The following DDX60L variants were observed in gnomAD, a reference collection of about 807,000 sequenced individuals.
The protein encoded by DDX60L is DExD/H-box 60 like.
In DDX60L, 191 loss-of-function variants were observed where a neutral mutation model predicts 211.6. The ratio of observed to expected loss-of-function variants is 0.90; its 90% CI spans 0.80 to 1.02. The LOEUF (loss-of-function observed/expected upper bound fraction) is 1.02, where lower values mean the gene tolerates loss of function less well. Ranked by LOEUF, DDX60L falls within the 50% of genes least tolerant of loss-of-function variation. The pLI, the probability that DDX60L is intolerant of heterozygous loss-of-function variation, is 0.00. For missense variants in DDX60L, 2,007 were observed against 1,984.1 expected, an observed-to-expected ratio of 1.01 and a Z score of -0.22; for synonymous variants, 706 against 694.1, an observed-to-expected ratio of 1.02 and a Z score of -0.27.
chr4:168,427,047 C>A, intron 14 of DDX60L, 23 bp downstream of exon 14: 2 of 1,578,098 alleles, frequency 1.3e-6, no homozygotes, highest in Non-Finnish European at 1.7e-6. Flanking sequence ...TACTCTTTAT[C>A]CATAGAGTAT....
At chr4:168,469,404 C>A (rs1198750508) in intron 4 of DDX60L, 1 of 152,000 alleles carries the variant, frequency 6.6e-6, no homozygotes, top group South Asian at 2.1e-4. Flanking sequence ...ATATCATAGA[C>A]CAAAATGCAA....
chr4:168,424,055 A>G (rs577983875), intron 14 of DDX60L, among the ~76,000 whole-genome samples: 59 of 152,378 alleles, frequency 3.9e-4, no homozygotes, highest in Middle Eastern at 3.4e-3. Flanking sequence ...TATAGCAGAA[A>G]TATGAACCAT....
chr4:168,470,251 C>G (rs575382938), intron 4 of DDX60L: 1 of 152,302 alleles, frequency 6.6e-6, no homozygotes, highest in Admixed American at 6.5e-5. Context: ...TTAGGAAAAG[C>G]TTTGGCAGTT....
At chr4:168,419,254 G>T in intron 19 of DDX60L, 48 bp downstream of exon 19, 2 of 1,313,602 alleles carry the variant, frequency 1.5e-6, no homozygotes, top group South Asian at 1.4e-5. Flanking sequence ...CAAATTATAG[G>T]GTGTATGCAG....
At chr4:168,448,875 C>G in intron 8 of DDX60L, 96 bp from the exon 9 acceptor site, 10 of 1,107,662 alleles carry the variant, frequency 9.0e-6, no homozygotes, top group Non-Finnish European at 1.3e-5. Flanking sequence ...AGGGACATTT[C>G]TGGGTGGAAT....
intron 4 of DDX60L, among the ~76,000 whole-genome samples, chr4:168,466,863 T>G (rs1347536273): frequency 6.6e-6 from 1 of 152,166 alleles, no homozygotes; most frequent in Non-Finnish European, 1.5e-5. Context: ...CAGCAGATAA[T>G]CAAAGATTTA....
chr4:168,367,323 G>C (rs558613050), intron 36 of DDX60L, among the ~76,000 whole-genome samples: 250 of 152,280 alleles, frequency 1.6e-3, no homozygotes, highest in African/African-American at 5.9e-3. Flanking sequence ...TTCTGATAGT[G>C]AATGAGTCTC....
chr4:168,375,348 G>A, intron 34 of DDX60L, 29 bp downstream of exon 34: 1 of 1,600,796 alleles, frequency 6.2e-7, no homozygotes, highest in South Asian at 1.1e-5. Flanking sequence ...TCTTTAAATT[G>A]TTCCGGAATG....
chr4:168,364,196 T>C (rs1295810383), intron 36 of DDX60L, among the ~76,000 whole-genome samples: 5 of 151,874 alleles, frequency 3.3e-5, no homozygotes, highest in African/African-American at 1.2e-4. Flanking sequence ...AAGCATAGAA[T>C]GAAAGTGAAG....
intron 36 of DDX60L, among the ~76,000 whole-genome samples, chr4:168,361,757 A>T (rs920284988): frequency 6.6e-6 from 1 of 152,212 alleles, no homozygotes; most frequent in Non-Finnish European, 1.5e-5. Flanking sequence ...TTCCACAGCC[A>T]TCACAGATGC....
chr4:168,378,913 A>G (rs1252183684), intron 32 of DDX60L, among the ~76,000 whole-genome samples: 1 of 152,146 alleles, frequency 6.6e-6, no homozygotes, highest in East Asian at 1.9e-4. Context: ...TCCTGTCAAA[A>G]CAAAGCTTCC....
At chr4:168,379,996 G>A (rs1460867806) in intron 30 of DDX60L, 166 bp from the exon 31 acceptor site, 2 of 494,998 alleles carry the variant, frequency 4.0e-6, no homozygotes, top group African/African-American at 2.0e-5. Flanking sequence ...ATCTTCACAT[G>A]GCACATGCTT....
At chr4:168,471,988 T>C (rs1278979638) in intron 3 of DDX60L, 52 bp from the exon 4 acceptor site, 1 of 1,390,106 alleles carries the variant, frequency 7.2e-7, no homozygotes, top group Non-Finnish European at 9.9e-7. Context: ...ACAGAGACTT[T>C]GTTGCTGTTG....
intron 5 of DDX60L, 40 bp downstream of exon 5, chr4:168,461,659 C>A (rs1309119361): frequency 2.9e-6 from 4 of 1,366,322 alleles, no homozygotes; most frequent in East Asian, 2.6e-5. Flanking sequence ...AGAATTAAAA[C>A]AAGAAATCAG....
chr4:168,358,246 C>A lies in DDX60L; in HGVS notation c.5022G>T (p.Lys1674Asn). 6.3e-7 allele frequency: 1 copy of A among 1,596,740 alleles called. No homozygotes were observed. The highest frequency in any genetic ancestry group is 1.3e-5 in the African/African-American group (1 of 74,098). The change falls in exon 38 of 38, where the codon AAG becomes AAT. Residue 1674 changes from lysine to asparagine, a missense_variant. Lys to Asn is a moderately conservative substitution (Grantham distance 94). Coordinates refer to ENST00000682922, the MANE Select transcript of DDX60L (RefSeq NM_001012967.3). Reference sequence around the variant, plus strand: ...TAAATGCCAGGACTACATTGTCACGCTTATTTTCACATAGTTCACTCAAGG... The same window carrying A: ...TAAATGCCAGGACTACATTGTCACGATTATTTTCACATAGTTCACTCAAGG... ...SDSLSELCEN[K>N]RDNVVLAFKQ...
At chr4:168,370,743 C>G (rs1360226955) in intron 36 of DDX60L, among the ~76,000 whole-genome samples, 1 of 152,024 alleles carries the variant, frequency 6.6e-6, no homozygotes, top group African/African-American at 2.4e-5. Context: ...TTAAAAAGAA[C>G]AGCATTTAAA....
At chr4:168,375,306 A>C in intron 34 of DDX60L, 71 bp downstream of exon 34, 9 of 1,499,528 alleles carry the variant, frequency 6.0e-6, no homozygotes, top group Non-Finnish European at 8.2e-6. Context: ...AGCATCCAAT[A>C]TCCAGAGGCT....
intron 16 of DDX60L, 60 bp downstream of exon 16, chr4:168,422,464 C>A: frequency 6.6e-7 from 1 of 1,506,358 alleles, no homozygotes. Context: ...TGTAGAGACA[C>A]AGTAATGAAA....
At chr4:168,427,032 A>G (rs763924856) in intron 14 of DDX60L, 38 bp downstream of exon 14, 1 of 1,543,152 alleles carries the variant, frequency 6.5e-7, no homozygotes, top group Non-Finnish European at 8.8e-7. Flanking sequence ...TAATATTTTC[A>G]TCACTACTCT....
Sources: gnomAD v4.1 joint callset for allele counts (sites outside exome capture counted in the v4.1 genomes callset) on GRCh38, gnomAD v4.1.1 for gene constraint, MANE v1.5 for transcripts, NCBI Gene and HGNC (gene_info 2026-07-23, HGNC 2026-07-21) for gene names.